Variants in TMEM132D observed in about 807,000 individuals in gnomAD.
TMEM132D encodes the protein transmembrane protein 132D, also known as mature OL transmembrane protein.
Under a neutral mutation model 62.3 loss-of-function variants are expected in TMEM132D, and 21 were observed. The ratio of observed to expected loss-of-function variants is 0.34; its 90% confidence interval spans 0.24 to 0.49. The LOEUF is 0.49. Among genes scored for constraint, TMEM132D ranks in the 20% least tolerant of loss-of-function variants. The pLI is 0.99. For missense variants in TMEM132D, 1,346 were observed against 1,402.8 expected (o/e 0.96, Z 0.65); for synonymous variants, 621 against 575.6 (o/e 1.08, Z -1.13).
intron 1 of TMEM132D, among the ~76,000 whole-genome samples, chr12:129,729,530 C>CA (rs113892504): frequency 0.14 from 21,974 of 152,072 alleles, 1,731 homozygotes; most frequent in South Asian, 0.25. Flanking sequence ...TACTGGAATA[C>CA]CTTTTTTTCT....
At position 129,588,805 on chromosome 12, in the gene TMEM132D, A is replaced by G. The variant is rs922731272; in HGVS notation, c.969-57600T>C. 8.2e-5 allele frequency among the ~76,000 whole-genome samples: 11 copies of G among 133,574 alleles called. No homozygotes were observed. The South Asian group carries it at 1.8e-3, about 22-fold the overall frequency. The allele number at this position is 133,574 out of a possible 152,430, so 87.6% of individuals were successfully genotyped here. On this transcript the variant is annotated intron_variant, in intron 2 of 8. Coordinates refer to ENST00000422113, the MANE Select transcript of TMEM132D (RefSeq NM_133448.3). ...GACAGGGTTTCACCGTGTTATACTC[A>G]TTTATAAATCCAAATAATGTTTAAT...
At chr12:129,790,537 C>CA (rs921838372) in intron 1 of TMEM132D, among the ~76,000 whole-genome samples, 1 of 152,216 alleles carries the variant, frequency 6.6e-6, no homozygotes, top group African/African-American at 2.4e-5. Context: ...CCTCTGAAGT[C>CA]AAGCTGCTTA....
At chr12:129,810,195 A>T (rs987800164) in intron 1 of TMEM132D, among the ~76,000 whole-genome samples, 1 of 152,208 alleles carries the variant, frequency 6.6e-6, no homozygotes, top group African/African-American at 2.4e-5. Flanking sequence ...TCAGCATTGG[A>T]AGTTATAGCG....
chr12:129,523,943 T>C (rs1489095710), intron 3 of TMEM132D, among the ~76,000 whole-genome samples: 1 of 152,172 alleles, frequency 6.6e-6, no homozygotes, highest in African/African-American at 2.4e-5. Flanking sequence ...CTTAGGAAGA[T>C]TCTAAAGCTC....
chr12:129,404,877 A>G (rs1261880393), intron 3 of TMEM132D, among the ~76,000 whole-genome samples: 1 of 152,084 alleles, frequency 6.6e-6, no homozygotes, highest in African/African-American at 2.4e-5. Context: ...AGGGACACAG[A>G]TCCAAACCCC....
chr12:129,281,520 C>G (rs1326085047), intron 4 of TMEM132D, among the ~76,000 whole-genome samples: 1 of 151,466 alleles, frequency 6.6e-6, no homozygotes, highest in African/African-American at 2.4e-5. Context: ...GAGGCTTGTT[C>G]GTGAATTCTG....
In TMEM132D at chr12:129,649,906, C is replaced by G. The variant is rs117748178; in HGVS notation, c.968+49904G>C. Among the ~76,000 whole-genome samples the G allele has an allele frequency of 9.8e-3, 1,461 of 149,648 alleles. 48 individuals are homozygous for G. In the South Asian group the frequency reaches 0.12, roughly 12 times the overall value. On this transcript the variant is annotated intron_variant, in intron 2 of 8. Coordinates refer to ENST00000422113, the MANE Select transcript of TMEM132D (RefSeq NM_133448.3). ...TGTATATGTGTGTTTGTGTGTGTGT[C>G]TATGTGTACGTGTGTGTGTATGTTT... is the stretch of plus-strand genomic sequence containing the variant.
intron 2 of TMEM132D, among the ~76,000 whole-genome samples, chr12:129,621,328 A>G (rs1365488318): frequency 6.6e-6 from 1 of 151,942 alleles, no homozygotes; most frequent in Non-Finnish European, 1.5e-5. Flanking sequence ...CCCACCTGCC[A>G]TCACCCTGGC....
chr12:129,510,831 C>T (rs1373620470), intron 3 of TMEM132D, among the ~76,000 whole-genome samples: 1 of 152,140 alleles, frequency 6.6e-6, no homozygotes, highest in Non-Finnish European at 1.5e-5. Context: ...ATGTTCTTGA[C>T]ACCATTGTCA....
At chr12:129,636,744 G>GAGAGAGAGAGAGAGAGAGAC (rs1565931361) in intron 2 of TMEM132D, among the ~76,000 whole-genome samples, 5 of 150,836 alleles carry the variant, frequency 3.3e-5, no homozygotes, top group Non-Finnish European at 7.4e-5. Flanking sequence ...GTGTGAGAGA[G>GAGAGAGAGAGAGAGAGAGAC]AGAGAGAGAG....
At chr12:129,174,099 C>A (rs1877826835) in intron 5 of TMEM132D, among the ~76,000 whole-genome samples, 1 of 152,154 alleles carries the variant, frequency 6.6e-6, no homozygotes, top group Non-Finnish European at 1.5e-5. Flanking sequence ...CGATGCCCCG[C>A]TTTTCTTTAT....
intron 5 of TMEM132D, among the ~76,000 whole-genome samples, chr12:129,135,738 G>A (rs1217255180): frequency 6.6e-6 from 1 of 152,132 alleles, no homozygotes; most frequent in Non-Finnish European, 1.5e-5. Context: ...GAAAGTGAGG[G>A]AGAATCTTTT....
At chr12:129,297,674 T>C (rs1451654376) in intron 4 of TMEM132D, among the ~76,000 whole-genome samples, 1 of 152,138 alleles carries the variant, frequency 6.6e-6, no homozygotes, top group East Asian at 1.9e-4. Context: ...GGGCACAGGA[T>C]GGCAGATGAA....
At chr12:129,768,864 T>C (rs1441478260) in intron 1 of TMEM132D, among the ~76,000 whole-genome samples, 4 of 152,208 alleles carry the variant, frequency 2.6e-5, no homozygotes, top group Non-Finnish European at 5.9e-5. Flanking sequence ...GATACAGATA[T>C]ATCGTGGATT....
chr12:129,444,858 A>G (rs973842647), intron 3 of TMEM132D, among the ~76,000 whole-genome samples: 2 of 152,222 alleles, frequency 1.3e-5, no homozygotes, highest in African/African-American at 4.8e-5. Context: ...GTGGAGAAAT[A>G]GGAATGCTTA....
At chr12:129,121,233 T>C (rs970874091) in intron 5 of TMEM132D, among the ~76,000 whole-genome samples, 1 of 152,054 alleles carries the variant, frequency 6.6e-6, no homozygotes, top group Non-Finnish European at 1.5e-5. Context: ...GTAGCTGGGA[T>C]TACAGGTGTG....
chr12:129,167,660 C>A (rs78235507), intron 5 of TMEM132D, among the ~76,000 whole-genome samples: 1 of 151,780 alleles, frequency 6.6e-6, no homozygotes, highest in Non-Finnish European at 1.5e-5. Context: ...TTAACACATA[C>A]CTTCTGACAC....
chr12:129,430,293 C>T (rs903234266), intron 3 of TMEM132D, among the ~76,000 whole-genome samples: 1 of 152,076 alleles, frequency 6.6e-6, no homozygotes, highest in African/African-American at 2.4e-5. Flanking sequence ...TGTGAGATGG[C>T]ATCTCGTTGT....
rs938530654 is a variant in TMEM132D at position 129,254,675 on chromosome 12, C to T, written c.1300-45012G>A. ...CTTATCCTTAGAGGGGTACATCTGT[C>T]GTGGAGACGGGTCTCTACTGACCAC... On this transcript the variant is annotated intron_variant, in intron 4 of 8. Transcript: ENST00000422113. 4.5e-4 allele frequency among the ~76,000 whole-genome samples: 69 copies of T among 152,144 alleles called. 1 individual carries two copies. Among genetic ancestry groups the T allele is most frequent in the Non-Finnish European group, 1.8e-4 (12 of 68,016 alleles).
Sources: gnomAD v4.1 joint callset for allele counts (sites outside exome capture counted in the v4.1 genomes callset) on GRCh38, gnomAD v4.1.1 for gene constraint, MANE v1.5 for transcripts, NCBI Gene and HGNC (gene_info 2026-07-23, HGNC 2026-07-21) for gene names.